NAMPT: variants seen among roughly 807,000 people sequenced by gnomAD.
NAMPT encodes the protein NAmPRTase.
NAMPT carries 7 observed loss-of-function variants against 58.7 expected under a neutral mutation model. The observed-to-expected ratio is 0.12, with a 90% confidence interval of 0.07 to 0.22. NAMPT has a LOEUF of 0.22. NAMPT is among the 10% of genes least tolerant of loss of function. The pLI, the probability that NAMPT is intolerant of heterozygous loss-of-function variation, is 1.00. For missense variants in NAMPT, 271 were observed against 567.9 expected (o/e 0.48, Z 5.31); for synonymous variants, 145 against 198.1 (o/e 0.73, Z 2.25).
In NAMPT at chr7:106,248,898, A is replaced by G. The variant is rs1303880870; in HGVS notation, c.*2185T>C. 6.6e-6 allele frequency: 1 copy of G among 152,116 alleles called. No individual in the cohort carries two copies. 9.4% of individuals were successfully genotyped at this position (152,116 alleles called of 1,614,324 possible). ...ATCAGTTCCAAGTGACTAAGAGCCA[A>G]TAGAATTAATCTCCATCTCCTGATT... is the stretch of plus-strand genomic sequence containing the variant. On this transcript the variant is annotated 3_prime_UTR_variant, in exon 11 of 11. Transcript: ENST00000222553.
chr7:106,267,840 C>CAAAAAAAAAAAAAAAAAAAAAAA lies in NAMPT; in HGVS notation c.743+601_743+623dup, dbSNP rs769070307. On this transcript the variant is annotated intron_variant, in intron 6 of 10. Transcript: ENST00000222553. Reference sequence around the variant, plus strand: ...TGGGCGACAGAGCGAGACTCCGTCTCAAAAAAAAAAAAAAAAAAAAAAAAA... The same window carrying CAAAAAAAAAAAAAAAAAAAAAAA: ...TGGGCGACAGAGCGAGACTCCGTCTCAAAAAAAAAAAAAAAAAAAAAAAAAAAAAAAAAAAAAAAAAAAAAAAA... Among the ~76,000 whole-genome samples, 23 of 33,176 alleles carry CAAAAAAAAAAAAAAAAAAAAAAA rather than the reference C, an allele frequency of 6.9e-4. 5 individuals are homozygous for CAAAAAAAAAAAAAAAAAAAAAAA. The highest frequency in any genetic ancestry group is 2.3e-3 in the South Asian group (1 of 444). The allele number at this position is 33,176 out of a possible 152,430, so 21.8% of individuals were successfully genotyped here.
At chr7:106,261,433 TATTATTTCTAAACTTTAAGCAATGC>T (rs1792298813) in intron 8 of NAMPT, 130 bp downstream of exon 8, 1 of 595,524 alleles carries the variant, frequency 1.7e-6, no homozygotes, top group Non-Finnish European at 2.8e-6. Context: ...TTTAAACTAC[TATTATTTCTAAACTTTAAGCAATGC>T]ACAGAGATTT....
chr7:106,254,599 C>T, intron 8 of NAMPT, 95 bp from the exon 9 acceptor site: 2 of 1,359,600 alleles, frequency 1.5e-6, no homozygotes, highest in East Asian at 2.3e-5. Context: ...ATGAAGCATC[C>T]AAGACTGTTT....
At chr7:106,279,365 AACTATCT>A (rs1280740587) in intron 1 of NAMPT, among the ~76,000 whole-genome samples, 24 of 152,244 alleles carry the variant, frequency 1.6e-4, no homozygotes, top group African/African-American at 5.3e-4. Context: ...ACCATTTATT[AACTATCT>A]ACTAACACCC....
intron 4 of NAMPT, 131 bp downstream of exon 4, chr7:106,272,399 T>C (rs1351896008): frequency 4.2e-6 from 3 of 721,116 alleles, no homozygotes; most frequent in East Asian, 3.1e-5. Context: ...GATGAGGAAA[T>C]TGAAGCCTGG....
At chr7:106,272,347 A>G (rs963936303) in intron 4 of NAMPT, 183 bp downstream of exon 4, 1 of 496,636 alleles carries the variant, frequency 2.0e-6, no homozygotes, top group Admixed American at 3.8e-5. Flanking sequence ...ATTCTATTCT[A>G]CTAGAAGAAA....
At chr7:106,273,089 G>A (rs1248873152) in intron 3 of NAMPT, among the ~76,000 whole-genome samples, 1 of 152,146 alleles carries the variant, frequency 6.6e-6, no homozygotes, top group East Asian at 1.9e-4. Flanking sequence ...GAAAGATAAA[G>A]GATTGCTATT....
At chr7:106,274,842 G>T in intron 3 of NAMPT, 104 bp downstream of exon 3, 1 of 720,740 alleles carries the variant, frequency 1.4e-6, no homozygotes, top group Non-Finnish European at 2.4e-6. Flanking sequence ...GTGACAGAGT[G>T]ACACTTTCTC....
chr7:106,261,399 A>ATGGCT, intron 8 of NAMPT, 189 bp downstream of exon 8: 1 of 470,094 alleles, frequency 2.1e-6, no homozygotes, highest in South Asian at 4.5e-5. Flanking sequence ...AAGAGTAAGT[A>ATGGCT]TGGCTTGGCT....
intron 6 of NAMPT, among the ~76,000 whole-genome samples, chr7:106,264,572 A>G (rs1458516468): frequency 6.6e-6 from 1 of 152,044 alleles, no homozygotes; most frequent in South Asian, 2.1e-4. Flanking sequence ...CCTTTGAGCA[A>G]AAAGTTTCAG....
rs1792092316 is a variant in NAMPT at position 106,250,767 on chromosome 7, C to T, written c.*316G>A. 1 of 229,646 alleles carries T rather than the reference C, an allele frequency of 4.4e-6. No individual in the cohort carries two copies. The highest frequency in any genetic ancestry group is 5.8e-5 in the Admixed American group (1 of 17,276). 14.2% of individuals were successfully genotyped at this position (229,646 alleles called of 1,614,324 possible). On this transcript the variant is annotated 3_prime_UTR_variant, in exon 11 of 11. Transcript: ENST00000222553. ...GCAATCATGGTAATTTTATGCAAATCTGTTTTATGTGATCATCAGTTATAT... is the reference window on the plus strand; with the variant it reads ...GCAATCATGGTAATTTTATGCAAATTTGTTTTATGTGATCATCAGTTATAT...
At position 106,254,083 on chromosome 7, in the gene NAMPT, C is replaced by T. The variant is rs114646231; in HGVS notation, c.1230+281G>A. Reference sequence around the variant, plus strand: ...TCCTACTCAAATATTACTTTTTGATCTAAAGGTAAAAACGGCAGTGGGAAA... The same window carrying T: ...TCCTACTCAAATATTACTTTTTGATTTAAAGGTAAAAACGGCAGTGGGAAA... On this transcript the variant is annotated intron_variant, in intron 9 of 10. Coordinates refer to ENST00000222553, the MANE Select transcript of NAMPT (RefSeq NM_005746.3). Among the ~76,000 whole-genome samples the T allele has an allele frequency of 5.2e-3, 792 of 152,098 alleles. 6 individuals carry two copies. The highest frequency in any genetic ancestry group is 0.018 in the African/African-American group (765 of 41,516).
intron 2 of NAMPT, chr7:106,276,717 CT>C: frequency 1.4e-5 from 4 of 284,504 alleles, no homozygotes; most frequent in Admixed American, 4.7e-5. Context: ...TGGTGCATGC[CT>C]GTAATCCCAT....
chr7:106,272,451 T>G, intron 4 of NAMPT, 79 bp downstream of exon 4: 1 of 1,315,142 alleles, frequency 7.6e-7, no homozygotes, highest in Non-Finnish European at 1.0e-6. Flanking sequence ...GCTTTATTAG[T>G]AACAAATTCT....
chr7:106,285,465 G>GA (rs1792861640), upstream of NAMPT: 6 of 883,484 alleles, frequency 6.8e-6, no homozygotes, highest in Non-Finnish European at 8.1e-6. Context: ...GGGTCCTCCT[G>GA]AAGTCACGCC....
At chr7:106,283,875 G>T (rs1418500161) in intron 1 of NAMPT, among the ~76,000 whole-genome samples, 2 of 152,168 alleles carry the variant, frequency 1.3e-5, no homozygotes, top group East Asian at 1.9e-4. Flanking sequence ...ACAAAAACAT[G>T]AGAGTACTAT....
chr7:106,264,901 C>G (rs1425847382), intron 6 of NAMPT, among the ~76,000 whole-genome samples: 1 of 151,160 alleles, frequency 6.6e-6, no homozygotes, highest in Admixed American at 6.6e-5. Context: ...TTTTAAAGGA[C>G]TAGACTTAGA....
intron 1 of NAMPT, chr7:106,284,403 C>T (rs1333116540): frequency 6.6e-6 from 1 of 151,734 alleles, no homozygotes; most frequent in Non-Finnish European, 1.5e-5. Flanking sequence ...CCCGCTCACT[C>T]TCCACTGCGG....
chr7:106,270,279 A>T (rs1359529798), intron 4 of NAMPT: 1 of 415,224 alleles, frequency 2.4e-6, no homozygotes, highest in Non-Finnish European at 5.1e-6. Context: ...TTGTTATTTG[A>T]AGCAGCTTCA....
Sources: gnomAD v4.1 joint callset for allele counts (sites outside exome capture counted in the v4.1 genomes callset) on GRCh38, gnomAD v4.1.1 for gene constraint, MANE v1.5 for transcripts, NCBI Gene and HGNC (gene_info 2026-07-23, HGNC 2026-07-21) for gene names.